PLCH1: variants seen among roughly 807,000 people sequenced by gnomAD.
The protein encoded by PLCH1 is 1-phosphatidylinositol 4,5-bisphosphate phosphodiesterase eta-1.
A neutral mutation model predicts 126.7 loss-of-function variants in PLCH1; 60 were observed. The observed-to-expected ratio is 0.47, with a 90% CI of 0.38 to 0.59. PLCH1 has a LOEUF of 0.59. Among genes scored for constraint, PLCH1 ranks in the 20% least tolerant of loss-of-function variants. The pLI is 0.00. For synonymous variants in PLCH1, 719 were observed against 734.9 expected (o/e 0.98, Z 0.35); for missense variants, 1,723 against 2,040.0 (o/e 0.84, Z 2.99).
At chr3:155,713,756 C>T (rs1188889015) in intron 1 of PLCH1, among the ~76,000 whole-genome samples, 1 of 152,164 alleles carries the variant, frequency 6.6e-6, no homozygotes, top group East Asian at 1.9e-4. Context: ...CAACCCTGTG[C>T]TTCAGCTGCC....
At chr3:155,532,496 C>A (rs1560121588) in intron 10 of PLCH1, among the ~76,000 whole-genome samples, 1 of 152,084 alleles carries the variant, frequency 6.6e-6, no homozygotes, top group Non-Finnish European at 1.5e-5. Context: ...CCCCATAATA[C>A]CCACGTGACT....
intron 13 of PLCH1, among the ~76,000 whole-genome samples, chr3:155,504,028 G>C (rs1445403950): frequency 2.0e-5 from 3 of 152,182 alleles, no homozygotes; most frequent in Non-Finnish European, 4.4e-5. Context: ...AATGTTACCT[G>C]TTGTGGCGGG....
At chr3:155,485,334 A>G in intron 22 of PLCH1, 22 bp downstream of exon 22, 1 of 1,508,702 alleles carries the variant, frequency 6.6e-7, no homozygotes, top group Non-Finnish European at 9.2e-7. Context: ...GTTTATTCTC[A>G]GAGAAACTTA....
chr3:155,568,807 G>A (rs982296945), intron 6 of PLCH1, among the ~76,000 whole-genome samples: 4 of 141,790 alleles, frequency 2.8e-5, no homozygotes, highest in Admixed American at 2.8e-4. Context: ...ACCATCCACT[G>A]AGCAGAGCAG....
intron 21 of PLCH1, chr3:155,456,594 C>T (rs1026107734): frequency 2.0e-5 from 3 of 152,338 alleles, no homozygotes; most frequent in Admixed American, 1.3e-4. Context: ...TAGACATCTC[C>T]AAAAGGAGGT....
chr3:155,489,763 A>G (rs568679877), intron 19 of PLCH1, among the ~76,000 whole-genome samples: 12 of 152,350 alleles, frequency 7.9e-5, no homozygotes, highest in African/African-American at 2.9e-4. Flanking sequence ...CAAGTACTCC[A>G]TAAGTTTCTG....
intron 6 of PLCH1, among the ~76,000 whole-genome samples, chr3:155,570,721 A>T (rs1729088469): frequency 6.6e-6 from 1 of 152,222 alleles, no homozygotes; most frequent in African/African-American, 2.4e-5. Flanking sequence ...AGAACCAAAG[A>T]TCAAATTTGG....
chr3:155,533,057 A>T (rs1447804219), intron 10 of PLCH1, among the ~76,000 whole-genome samples: 1 of 152,226 alleles, frequency 6.6e-6, no homozygotes, highest in African/African-American at 2.4e-5. Context: ...TCAGATGGAG[A>T]TGAGGAACTT....
At position 155,564,911 on chromosome 3, in the gene PLCH1, G is replaced by C. The variant is rs371388946; in HGVS notation, c.1069+4C>G. The C allele has an allele frequency of 1.9e-6, 3 of 1,607,832 alleles. No homozygotes were observed. Among genetic ancestry groups the C allele is most frequent in the South Asian group, 2.2e-5 (2 of 90,916 alleles). ...ACACCGGAGCTCAGAAAAAGTGCAC[G>C]TACCTTCCACACAGCGACAGCCCTC... On this transcript the variant is annotated splice_donor_region_variant and intron_variant, in intron 8 of 22. Transcript: ENST00000460012.
intron 18 of PLCH1, among the ~76,000 whole-genome samples, chr3:155,491,147 GT>G (rs977043820): frequency 2.0e-5 from 3 of 152,200 alleles, no homozygotes; most frequent in Non-Finnish European, 2.9e-5. Context: ...GAACTGAGAT[GT>G]TTTGCCCATG....
At chr3:155,605,261 T>G (rs1190518879) in intron 2 of PLCH1, among the ~76,000 whole-genome samples, 1 of 152,178 alleles carries the variant, frequency 6.6e-6, no homozygotes, top group Admixed American at 6.5e-5. Flanking sequence ...GTCAAGCCCT[T>G]GGGTGAGTTT....
At chr3:155,562,173 A>T (rs359540) in intron 8 of PLCH1, among the ~76,000 whole-genome samples, 76,028 of 152,060 alleles carry the variant, frequency 0.5, 21,918 homozygotes, top group Non-Finnish European at 0.66. Context: ...CCATGTAGCC[A>T]TCTATTTAAT....
intron 11 of PLCH1, among the ~76,000 whole-genome samples, chr3:155,521,961 G>T (rs905215929): frequency 6.6e-6 from 1 of 152,190 alleles, no homozygotes; most frequent in African/African-American, 2.4e-5. Flanking sequence ...CCTGATGTGG[G>T]TTTCCAGAAA....
At chr3:155,631,902 CTTTTT>C (rs60843505) in intron 2 of PLCH1, among the ~76,000 whole-genome samples, 6 of 140,840 alleles carry the variant, frequency 4.3e-5, no homozygotes, top group Admixed American at 7.1e-5. Context: ...ACAAGAACTC[CTTTTT>C]TTTTTTTTTT....
chr3:155,621,847 T>C (rs986950619), intron 2 of PLCH1, among the ~76,000 whole-genome samples: 5 of 152,272 alleles, frequency 3.3e-5, no homozygotes, highest in Non-Finnish European at 7.4e-5. Flanking sequence ...CTCAGGATAT[T>C]ATCCAGGAGA....
chr3:155,568,205 G>A (rs1728760180), intron 7 of PLCH1, 26 bp downstream of exon 7: 5 of 1,006,298 alleles, frequency 5.0e-6, no homozygotes, highest in Non-Finnish European at 7.8e-6. Context: ...CAAGAAATGA[G>A]AAATAAAGAA....
chr3:155,659,699 A>T (rs1006657721), intron 2 of PLCH1, among the ~76,000 whole-genome samples: 1 of 151,778 alleles, frequency 6.6e-6, no homozygotes, highest in Non-Finnish European at 1.5e-5. Context: ...GGGTTTCACC[A>T]TGTTGGCCAG....
intron 21 of PLCH1, among the ~76,000 whole-genome samples, chr3:155,458,464 AAGAAAG>A (rs1396136631): frequency 1.9e-5 from 2 of 105,506 alleles, no homozygotes; most frequent in East Asian, 2.6e-4. Context: ...GAAAGAAAGA[AAGAAAG>A]AAAGAAAGAA....
intron 2 of PLCH1, among the ~76,000 whole-genome samples, chr3:155,677,541 A>G (rs978668426): frequency 6.6e-6 from 1 of 152,222 alleles, no homozygotes; most frequent in African/African-American, 2.4e-5. Flanking sequence ...GCCTAGGTTC[A>G]AAGACTGACT....
Sources: gnomAD v4.1 joint callset for allele counts (sites outside exome capture counted in the v4.1 genomes callset) on GRCh38, gnomAD v4.1.1 for gene constraint, MANE v1.5 for transcripts, NCBI Gene and HGNC (gene_info 2026-07-23, HGNC 2026-07-21) for gene names.